RABGAP1: variants seen among roughly 807,000 people sequenced by gnomAD.
RABGAP1 encodes the protein RAB GTPase activating protein 1.
In RABGAP1, 23 loss-of-function variants were observed where a neutral mutation model predicts 137.6. The ratio of observed to expected loss-of-function variants is 0.17; its 90% CI spans 0.12 to 0.24. The LOEUF is 0.24. Ranked by LOEUF, RABGAP1 falls within the 10% of genes least tolerant of loss-of-function variation. RABGAP1 has a pLI of 1.00. For missense variants in RABGAP1, 906 were observed against 1,275.8 expected, an observed-to-expected ratio of 0.71 and a Z score of 4.42; for synonymous variants, 451 against 450.7, an observed-to-expected ratio of 1.00 and a Z score of -0.01.
At chr9:122,958,529 CAG>C (rs1429284141) in intron 2 of RABGAP1, among the ~76,000 whole-genome samples, 13 of 151,896 alleles carry the variant, frequency 8.6e-5, no homozygotes, top group Non-Finnish European at 4.4e-5. Context: ...ACATCACACA[CAG>C]GGGCCTGTCG....
In RABGAP1 at chr9:123,037,866, A is replaced by G. The variant is rs112127063; in HGVS notation, c.1794+17407A>G. On this transcript the variant is annotated intron_variant, in intron 13 of 25. Coordinates refer to ENST00000373647, the MANE Select transcript of RABGAP1 (RefSeq NM_012197.4). ...TTCATCCTGGCATATTTAATGCAAC[A>G]TTTGATGACATTTAGTTTAAATACC... is the stretch of plus-strand genomic sequence containing the variant. 4.1e-3 allele frequency among the ~76,000 whole-genome samples: 620 copies of G among 152,222 alleles called. 9 individuals are homozygous for G. Among genetic ancestry groups the G allele is most frequent in the African/African-American group, 0.014 (585 of 41,526 alleles).
chr9:123,035,292 G>A, intron 13 of RABGAP1: 2 of 1,614,150 alleles, frequency 1.2e-6, no homozygotes, highest in Non-Finnish European at 1.7e-6. Context: ...CTGGGGAAGT[G>A]CAGGCCTGTC....
intron 6 of RABGAP1, among the ~76,000 whole-genome samples, chr9:122,995,115 C>A (rs1836947406): frequency 6.6e-6 from 1 of 151,686 alleles, no homozygotes; most frequent in Admixed American, 6.6e-5. Flanking sequence ...CAAGATCCTG[C>A]CTCAAAAAAA....
chr9:123,058,810 G>A (rs1234172317), intron 13 of RABGAP1, among the ~76,000 whole-genome samples: 1 of 152,148 alleles, frequency 6.6e-6, no homozygotes, highest in African/African-American at 2.4e-5. Flanking sequence ...TGGAAAACAA[G>A]GTTTAATTTG....
intron 6 of RABGAP1, 149 bp downstream of exon 6, chr9:122,990,362 A>C (rs1836604236): frequency 1.7e-6 from 1 of 588,774 alleles, no homozygotes; most frequent in Admixed American, 4.1e-5. Context: ...TAAATACATA[A>C]ATTTAACAGA....
At chr9:123,029,784 G>A (rs2032197591) in intron 13 of RABGAP1, 2 of 539,148 alleles carry the variant, frequency 3.7e-6, no homozygotes, top group Admixed American at 4.7e-5. Flanking sequence ...GGCGAACACT[G>A]CAGCCTTGCT....
intron 10 of RABGAP1, among the ~76,000 whole-genome samples, chr9:123,008,650 C>A (rs994459077): frequency 6.6e-6 from 1 of 151,486 alleles, no homozygotes; most frequent in African/African-American, 2.4e-5. Context: ...ATTTTAAATT[C>A]TCTTTCTTAT....
chr9:122,953,733 C>T (rs1343221001), intron 1 of RABGAP1, among the ~76,000 whole-genome samples: 1 of 152,198 alleles, frequency 6.6e-6, no homozygotes, highest in African/African-American at 2.4e-5. Context: ...TTTCTTAACT[C>T]CTAATTGTGT....
chr9:123,075,278 A>C (rs1308654410), intron 17 of RABGAP1, among the ~76,000 whole-genome samples: 1 of 152,128 alleles, frequency 6.6e-6, no homozygotes, highest in Admixed American at 6.5e-5. Context: ...TATGGTTTCC[A>C]TATGGATGGA....
At chr9:123,035,024 T>G in intron 13 of RABGAP1, 2 of 1,613,908 alleles carry the variant, frequency 1.2e-6, no homozygotes, top group Non-Finnish European at 1.7e-6. Context: ...ATTTTCCTGA[T>G]TTGGCTATAC....
At chr9:123,086,449 C>T (rs894652031) in intron 19 of RABGAP1, among the ~76,000 whole-genome samples, 3 of 152,166 alleles carry the variant, frequency 2.0e-5, no homozygotes, top group Non-Finnish European at 4.4e-5. Flanking sequence ...CTGGGAGGTG[C>T]TGGCCTCTCC....
chr9:122,986,167 A>G (rs759287805), intron 3 of RABGAP1, 48 bp from the exon 4 acceptor site: 25 of 1,552,452 alleles, frequency 1.6e-5, no homozygotes, highest in South Asian at 5.7e-5. Flanking sequence ...CGTATCAACA[A>G]AATATCAAAG....
chr9:123,073,422 C>G (rs2034418583), intron 15 of RABGAP1, 130 bp from the exon 16 acceptor site: 48 of 1,155,922 alleles, frequency 4.2e-5, no homozygotes, highest in Non-Finnish European at 5.9e-5. Context: ...GCCTGAGTTT[C>G]TGCATAGCAC....
At chr9:122,962,129 CTA>C (rs1834886785) in intron 2 of RABGAP1, among the ~76,000 whole-genome samples, 1 of 151,442 alleles carries the variant, frequency 6.6e-6, no homozygotes, top group African/African-American at 2.4e-5. Flanking sequence ...GGGAATAGAG[CTA>C]TGTTTGAATA....
At chr9:122,963,914 G>T (rs1834987210) in intron 2 of RABGAP1, among the ~76,000 whole-genome samples, 1 of 152,062 alleles carries the variant, frequency 6.6e-6, no homozygotes, top group Admixed American at 6.6e-5. Context: ...TAAATGAAAG[G>T]GAATAATACT....
intron 13 of RABGAP1, among the ~76,000 whole-genome samples, chr9:123,047,208 C>G (rs1272470711): frequency 4.6e-5 from 7 of 152,188 alleles, no homozygotes; most frequent in Admixed American, 4.6e-4. Flanking sequence ...CAGTACTAAT[C>G]AAAATGTTCT....
At chr9:122,982,982 C>T (rs1459143615) in intron 2 of RABGAP1, among the ~76,000 whole-genome samples, 1 of 152,098 alleles carries the variant, frequency 6.6e-6, no homozygotes. Context: ...GATCCTCCCA[C>T]CTCAGCCTCC....
At chr9:122,945,796 CATA>C (rs1327897801) in intron 1 of RABGAP1, among the ~76,000 whole-genome samples, 1 of 152,162 alleles carries the variant, frequency 6.6e-6, no homozygotes, top group Admixed American at 6.5e-5. Flanking sequence ...GTAACTTTAA[CATA>C]ATGTTACTAA....
chr9:123,069,819 C>T (rs571714570), intron 14 of RABGAP1, among the ~76,000 whole-genome samples: 2 of 152,090 alleles, frequency 1.3e-5, no homozygotes, highest in South Asian at 2.1e-4. Context: ...AGGAGGTTGA[C>T]GCTGCAGTGA....
Sources: gnomAD v4.1 joint callset for allele counts (sites outside exome capture counted in the v4.1 genomes callset) on GRCh38, gnomAD v4.1.1 for gene constraint, MANE v1.5 for transcripts, NCBI Gene and HGNC (gene_info 2026-07-23, HGNC 2026-07-21) for gene names.